PLEKHG1: variants seen among roughly 807,000 people sequenced by gnomAD.
PLEKHG1 encodes the protein pleckstrin homology domain-containing family G member 1.
A neutral mutation model predicts 100.8 loss-of-function variants in PLEKHG1; 44 were observed. The ratio of observed to expected loss-of-function variants is 0.44; its 90% CI spans 0.34 to 0.56. The LOEUF (loss-of-function observed/expected upper bound fraction) is 0.56. Among genes scored for constraint, PLEKHG1 ranks in the 20% least tolerant of loss-of-function variants. PLEKHG1 has a pLI of 0.01. For missense variants in PLEKHG1, 1,545 were observed against 1,720.9 expected, an observed-to-expected ratio of 0.90 and a Z score of 1.81; for synonymous variants, 640 against 662.5, an observed-to-expected ratio of 0.97 and a Z score of 0.52.
chr6:150,785,069 A>G (rs979121823), intron 3 of PLEKHG1, among the ~76,000 whole-genome samples: 38 of 152,154 alleles, frequency 2.5e-4, no homozygotes, highest in African/African-American at 9.1e-4. Context: ...ACATCTTAGA[A>G]CTAGTTGAGA....
intron 5 of PLEKHG1, among the ~76,000 whole-genome samples, chr6:150,797,834 CAAAAAAAAAAAAAAAAAAAAA>C (rs58218481): frequency 3.6e-3 from 86 of 23,912 alleles, no homozygotes; most frequent in South Asian, 0.01. Flanking sequence ...GACTCTGTCT[CAAAAAAAAAAAAAAAAAAAAA>C]AAAAAAAAAA....
chr6:150,829,666 T>C (rs1776803294), intron 14 of PLEKHG1, among the ~76,000 whole-genome samples: 1 of 152,214 alleles, frequency 6.6e-6, no homozygotes, highest in Non-Finnish European at 1.5e-5. Context: ...ATATTGTTCC[T>C]ATTTTACTTC....
At chr6:150,811,042 T>C (rs768387334) in intron 10 of PLEKHG1, among the ~76,000 whole-genome samples, 1 of 152,116 alleles carries the variant, frequency 6.6e-6, no homozygotes, top group Non-Finnish European at 1.5e-5. Flanking sequence ...GAAGCACCTA[T>C]GGGTGTAAAG....
chr6:150,653,081 A>T (rs1778814535), intron 3 of PLEKHG1, among the ~76,000 whole-genome samples: 1 of 152,192 alleles, frequency 6.6e-6, no homozygotes, highest in Non-Finnish European at 1.5e-5. Context: ...CTAACTTATG[A>T]CTAGAATGCT....
intron 1 of PLEKHG1, among the ~76,000 whole-genome samples, chr6:150,628,576 A>ACC (rs1554253902): frequency 1.8e-5 from 2 of 108,192 alleles, no homozygotes; most frequent in African/African-American, 3.3e-5. Flanking sequence ...ACACACACAC[A>ACC]CCCCGTCCTT....
At chr6:150,612,629 A>G (rs12524410) in intron 1 of PLEKHG1, among the ~76,000 whole-genome samples, 122,186 of 152,094 alleles carry the variant, frequency 0.8, 49,187 homozygotes, top group Admixed American at 0.86. Context: ...CACCACGCCC[A>G]GCCTGAATGT....
intron 1 of PLEKHG1, among the ~76,000 whole-genome samples, chr6:150,601,737 T>C (rs1042881593): frequency 1.3e-5 from 2 of 152,172 alleles, no homozygotes; most frequent in Non-Finnish European, 2.9e-5. Flanking sequence ...CATCCTTGTG[T>C]AGCAGCCCCC....
chr6:150,842,778 A>G (rs772723017), exon 16 of PLEKHG1: 3 of 152,128 alleles, frequency 2.0e-5, no homozygotes, highest in Non-Finnish European at 4.4e-5. Flanking sequence ...TTGGAGTGCA[A>G]TCTTGGCTCA....
chr6:150,648,984 C>T (rs1212345262), intron 2 of PLEKHG1, among the ~76,000 whole-genome samples: 1 of 151,952 alleles, frequency 6.6e-6, no homozygotes, highest in East Asian at 1.9e-4. Context: ...GAAATCTGCC[C>T]ATGAAGTATT....
intron 1 of PLEKHG1, among the ~76,000 whole-genome samples, chr6:150,628,777 A>G (rs771371597): frequency 2.6e-5 from 4 of 152,226 alleles, no homozygotes; most frequent in Non-Finnish European, 4.4e-5. Context: ...ATCCTGTAGA[A>G]TAAGAACCTG....
chr6:150,618,819 C>T (rs978297118), intron 1 of PLEKHG1, among the ~76,000 whole-genome samples: 3 of 152,146 alleles, frequency 2.0e-5, no homozygotes, highest in African/African-American at 7.2e-5. Context: ...GCTGGATGCT[C>T]AAAATCCCAA....
chr6:150,663,271 A>G (rs1381400189), intron 3 of PLEKHG1: 1 of 152,148 alleles, frequency 6.6e-6, no homozygotes, highest in Non-Finnish European at 1.5e-5. Context: ...TCTGCCCCCT[A>G]CCACCAGATT....
chr6:150,655,051 T>C (rs1216826864), intron 3 of PLEKHG1, among the ~76,000 whole-genome samples: 1 of 152,220 alleles, frequency 6.6e-6, no homozygotes, highest in Admixed American at 6.5e-5. Flanking sequence ...AAACCAAATA[T>C]AGAAGTTATA....
intron 2 of PLEKHG1, among the ~76,000 whole-genome samples, chr6:150,757,136 T>C (rs1783886852): frequency 6.6e-6 from 1 of 152,144 alleles, no homozygotes; most frequent in Admixed American, 6.6e-5. Flanking sequence ...TAGCTGGGAT[T>C]ACAGGCGCCC....
chr6:150,602,997 C>T (rs1304252520), intron 1 of PLEKHG1, among the ~76,000 whole-genome samples: 4 of 144,368 alleles, frequency 2.8e-5, no homozygotes, highest in Admixed American at 1.5e-4. Flanking sequence ...AGGAGAATGG[C>T]GTGAACCCCG....
intron 2 of PLEKHG1, among the ~76,000 whole-genome samples, chr6:150,745,829 T>C (rs143534463): frequency 6.6e-6 from 1 of 152,166 alleles, no homozygotes; most frequent in East Asian, 1.9e-4. Context: ...CATACATACA[T>C]GCTATAGTAA....
intron 1 of PLEKHG1, among the ~76,000 whole-genome samples, chr6:150,624,383 A>C (rs1336804170): frequency 1.3e-5 from 2 of 152,100 alleles, no homozygotes; most frequent in Non-Finnish European, 2.9e-5. Context: ...CCACATCCTC[A>C]ACACTCGAGC....
chr6:150,798,746 T>C (rs1403467581), intron 5 of PLEKHG1, among the ~76,000 whole-genome samples: 1 of 152,140 alleles, frequency 6.6e-6, no homozygotes, highest in Non-Finnish European at 1.5e-5. Context: ...CTGGAGAAAG[T>C]TGTCTTTTTT....
intron 1 of PLEKHG1, among the ~76,000 whole-genome samples, chr6:150,724,332 C>T (rs947867559): frequency 1.3e-5 from 2 of 152,314 alleles, no homozygotes; most frequent in Admixed American, 6.5e-5. Context: ...GAAATGTGCT[C>T]AGTGAAAACT....
Sources: gnomAD v4.1 joint callset for allele counts (sites outside exome capture counted in the v4.1 genomes callset) on GRCh38, gnomAD v4.1.1 for gene constraint, MANE v1.5 for transcripts, NCBI Gene and HGNC (gene_info 2026-07-23, HGNC 2026-07-21) for gene names.